Variants in AHI1 observed in about 807,000 individuals in gnomAD.
The protein encoded by AHI1 is Abelson helper integration site 1, also known as jouberin.
A neutral mutation model predicts 149.3 loss-of-function variants in AHI1; 123 were observed. The observed-to-expected ratio is 0.82, with a 90% confidence interval of 0.71 to 0.96. AHI1 has a LOEUF of 0.96. AHI1 is among the 40% of genes least tolerant of loss of function. The probability of loss-of-function intolerance (pLI) is 0.00; values close to 1 mark genes in which losing one functional copy is unlikely to be tolerated. For synonymous variants in AHI1, 475 were observed against 459.8 expected (o/e 1.03, Z -0.42); for missense variants, 1,439 against 1,422.7 (o/e 1.01, Z -0.18).
intron 27 of AHI1, among the ~76,000 whole-genome samples, chr6:135,290,913 A>AAC (rs574033007): frequency 0.035 from 5,056 of 146,196 alleles, 99 homozygotes; most frequent in Middle Eastern, 0.065. Flanking sequence ...AACACACACA[A>AAC]ACACACACAC....
At chr6:135,302,222 C>G in intron 26 of AHI1, 1 of 985,310 alleles carries the variant, frequency 1.0e-6, no homozygotes, top group African/African-American at 1.7e-5. Flanking sequence ...AACTTACCAT[C>G]AATATAGGTA....
At chr6:135,344,955 C>CACACACAG (rs913357002) in intron 24 of AHI1, among the ~76,000 whole-genome samples, 1 of 151,144 alleles carries the variant, frequency 6.6e-6, no homozygotes, top group African/African-American at 2.4e-5. Context: ...CACACACACA[C>CACACACAG]AGTATATTAA....
intron 26 of AHI1, among the ~76,000 whole-genome samples, chr6:135,309,778 G>A (rs560736871): frequency 4.6e-5 from 7 of 152,186 alleles, no homozygotes; most frequent in Admixed American, 6.5e-5. Context: ...CACCGCGCCC[G>A]CCCGCAGGTT....
intron 16 of AHI1, among the ~76,000 whole-genome samples, chr6:135,432,773 A>G (rs1378400324): frequency 6.6e-6 from 1 of 152,220 alleles, no homozygotes; most frequent in Non-Finnish European, 1.5e-5. Flanking sequence ...TCAAAGAAAT[A>G]TATTTATGCA....
At chr6:135,416,748 T>C (rs866264721) in intron 20 of AHI1, among the ~76,000 whole-genome samples, 2 of 152,088 alleles carry the variant, frequency 1.3e-5, no homozygotes, top group Admixed American at 1.3e-4. Context: ...TTTATATTCA[T>C]GTACTATTTC....
At chr6:135,324,793 A>T (rs1213422389) in intron 24 of AHI1, among the ~76,000 whole-genome samples, 1 of 152,012 alleles carries the variant, frequency 6.6e-6, no homozygotes, top group Non-Finnish European at 1.5e-5. Context: ...TAACCAGAGG[A>T]TTCCATTACA....
intron 5 of AHI1, among the ~76,000 whole-genome samples, chr6:135,482,876 A>C (rs1421210881): frequency 9.8e-6 from 1 of 102,386 alleles, no homozygotes; most frequent in Non-Finnish European, 1.8e-5. Flanking sequence ...GACTTCAACC[A>C]GTATAATCCA....
At chr6:135,415,907 A>G (rs1198376378) in intron 20 of AHI1, among the ~76,000 whole-genome samples, 1 of 152,186 alleles carries the variant, frequency 6.6e-6, no homozygotes, top group Non-Finnish European at 1.5e-5. Context: ...ATAAAAAAAG[A>G]GTACATGGTA....
Position 135,408,889 on chromosome 6 carries a change from A to AG in AHI1, c.2961+2458dup, listed in dbSNP as rs561549536. ...TACTACATTTGACCATTTATCTTTG[A>AG]GAAAAATTTTCTAGGAATTTTCACT... On this transcript the variant is annotated intron_variant, in intron 21 of 28. Coordinates refer to ENST00000265602, the MANE Select transcript of AHI1 (RefSeq NM_001134831.2). Among the ~76,000 whole-genome samples, 267 of 152,302 alleles carry AG rather than the reference A, an allele frequency of 1.8e-3. 1 individual carries two copies. Among genetic ancestry groups the AG allele is most frequent in the African/African-American group, 6.2e-3 (259 of 41,586 alleles).
intron 24 of AHI1, among the ~76,000 whole-genome samples, chr6:135,344,457 G>T (rs1790863342): frequency 6.7e-6 from 1 of 150,228 alleles, no homozygotes; most frequent in Non-Finnish European, 1.5e-5. Flanking sequence ...TATACTATAT[G>T]CCTGGTACAT....
chr6:135,317,397 A>C (rs1168774839), intron 26 of AHI1, among the ~76,000 whole-genome samples: 1 of 150,012 alleles, frequency 6.7e-6, no homozygotes, highest in East Asian at 1.9e-4. Context: ...CCCATAACTT[A>C]CTCACGTTAT....
At chr6:135,371,474 G>A (rs1460643920) in intron 23 of AHI1, among the ~76,000 whole-genome samples, 2 of 152,050 alleles carry the variant, frequency 1.3e-5, no homozygotes, top group Non-Finnish European at 2.9e-5. Flanking sequence ...ACTAGAGTAC[G>A]GCTGAGTGCC....
intron 24 of AHI1, among the ~76,000 whole-genome samples, chr6:135,341,978 G>C (rs924176244): frequency 6.6e-6 from 1 of 151,810 alleles, no homozygotes; most frequent in Admixed American, 6.6e-5. Context: ...AATAGAAAAA[G>C]AGTAGAGAAA....
chr6:135,363,037 T>G (rs1794158562), intron 23 of AHI1, among the ~76,000 whole-genome samples: 1 of 149,032 alleles, frequency 6.7e-6, no homozygotes, highest in South Asian at 2.1e-4. Context: ...AAATTTTATT[T>G]TATTTTATTA....
rs112114733 is a variant in AHI1 at position 135,439,069 on chromosome 6, C to T, written c.1913-571G>A. Among the ~76,000 whole-genome samples, 1,464 of 152,196 alleles carry T rather than the reference C, an allele frequency of 9.6e-3. 19 individuals are homozygous for T. Among genetic ancestry groups the T allele is most frequent in the African/African-American group, 0.033 (1,368 of 41,506 alleles). On this transcript the variant is annotated intron_variant, in intron 14 of 28. Transcript: ENST00000265602. ...TACAATGAAATCTAAGATAGTAACA[C>T]GGAAAAACAAAGTTTCCAAGTCTCT...
chr6:135,394,030 T>C (rs1778880509), intron 23 of AHI1, among the ~76,000 whole-genome samples: 2 of 149,046 alleles, frequency 1.3e-5, no homozygotes. Flanking sequence ...TCCTCAAATT[T>C]CTAAGTAAAT....
rs1042820078 is a variant in AHI1 at position 135,344,752 on chromosome 6, T to TTC, written c.3165+13378_3165+13379dup. Among the ~76,000 whole-genome samples, 27 of 150,802 alleles carry TTC rather than the reference T, an allele frequency of 1.8e-4. No individual in the cohort carries two copies. The East Asian group carries it at 1.9e-3, about 11-fold the overall frequency. ...TCTTTCCCTTCCTTTCTCCTTTCCTTTCTCTCTCTCTCTCTTTCTTTTTAG... is the reference window on the plus strand; with the variant it reads ...TCTTTCCCTTCCTTTCTCCTTTCCTTTCTCTCTCTCTCTCTCTTTCTTTTTAG... On this transcript the variant is annotated intron_variant, in intron 24 of 28. Transcript: ENST00000265602.
intron 23 of AHI1, among the ~76,000 whole-genome samples, chr6:135,379,598 TCTAC>T (rs1428993221): frequency 4.6e-5 from 7 of 152,194 alleles, no homozygotes; most frequent in African/African-American, 1.4e-4. Flanking sequence ...TGCAATCCCA[TCTAC>T]CTACCTATTT....
At chr6:135,348,900 A>G (rs1357624686) in intron 24 of AHI1, among the ~76,000 whole-genome samples, 9 of 152,218 alleles carry the variant, frequency 5.9e-5, no homozygotes, top group Non-Finnish European at 8.8e-5. Context: ...AATAATATTA[A>G]TAAGGCAGAC....
Sources: allele counts gnomAD v4.1 joint callset (sites outside exome capture counted in the v4.1 genomes callset), GRCh38; gene constraint gnomAD v4.1.1; transcripts MANE v1.5; gene names NCBI Gene and HGNC (gene_info 2026-07-23, HGNC 2026-07-21).